Variants in VPS13B observed in about 807,000 individuals in gnomAD.
The protein encoded by VPS13B is vacuolar protein sorting 13 homolog B.
Under a neutral mutation model 426.4 loss-of-function variants are expected in VPS13B, and 285 were observed. The ratio of observed to expected loss-of-function variants is 0.67; its 90% CI spans 0.61 to 0.74. The LOEUF is 0.74. VPS13B is among the 30% of genes least tolerant of loss of function. The pLI is 0.00. For synonymous variants in VPS13B, 1,676 were observed against 1,676.4 expected, an observed-to-expected ratio of 1.00 and a Z score of 0.01; for missense variants, 4,537 against 4,782.6, an observed-to-expected ratio of 0.95 and a Z score of 1.51.
chr8:99,802,690 A>G (rs1813188091), intron 43 of VPS13B, among the ~76,000 whole-genome samples: 2 of 152,192 alleles, frequency 1.3e-5, no homozygotes, highest in Admixed American at 1.3e-4. Context: ...AATGGGGTGT[A>G]CTGCCCATAC....
chr8:99,378,132 G>A (rs1813591987), intron 19 of VPS13B, among the ~76,000 whole-genome samples: 2 of 67,704 alleles, frequency 3.0e-5, no homozygotes, highest in African/African-American at 6.7e-5. Flanking sequence ...GGCCATTTTA[G>A]AGCCCCCCCC....
At chr8:99,115,643 A>G in intron 6 of VPS13B, 57 bp from the exon 7 acceptor site, 2 of 1,557,652 alleles carry the variant, frequency 1.3e-6, no homozygotes, top group South Asian at 1.1e-5. Flanking sequence ...TTCTTTATGT[A>G]AAAAATACTC....
chr8:99,865,924 G>C (rs1368230344), intron 58 of VPS13B, among the ~76,000 whole-genome samples: 1 of 152,234 alleles, frequency 6.6e-6, no homozygotes, highest in African/African-American at 2.4e-5. Context: ...GCAAGTCACA[G>C]AAAGAGGTAA....
chr8:99,168,785 G>A (rs902978239), intron 15 of VPS13B, among the ~76,000 whole-genome samples: 1 of 151,958 alleles, frequency 6.6e-6, no homozygotes, highest in Non-Finnish European at 1.5e-5. Flanking sequence ...GCAGGTTATA[G>A]GTGCTGATGG....
intron 19 of VPS13B, among the ~76,000 whole-genome samples, chr8:99,277,634 TTCTC>T (rs1005894153): frequency 1.3e-5 from 2 of 152,190 alleles, no homozygotes; most frequent in Non-Finnish European, 2.9e-5. Context: ...GTATCTAAAT[TTCTC>T]TCTCTGTCTC....
chr8:99,853,870 T>A lies in VPS13B; in HGVS notation c.10481T>A (p.Ile3494Asn). Residue 3494 changes from isoleucine to asparagine, a missense_variant, in exon 56 of 62, where the codon ATT becomes AAT. Physicochemically the swap from Ile to Asn is moderately radical, Grantham distance 149. This residue lies in a region of VPS13B where 4,311 missense variants were observed against 4,474.3 expected (regional missense o/e 0.96). Transcript: ENST00000357162. ...GAAGGCAAGAGCATCCTCTGTGATA[T>A]TAATGAGTTCAGCTTTGAATTAAAA... Reference protein sequence around the residue: ...LNEGKSILCDINEFSFELKPA... With the variant: ...LNEGKSILCDNNEFSFELKPA... 4.3e-6 allele frequency: 7 copies of A among 1,614,266 alleles called. No homozygotes were observed. The highest frequency in any genetic ancestry group is 5.9e-6 in the Non-Finnish European group (7 of 1,180,052).
chr8:99,675,221 GGTTA>G (rs1830882528), intron 35 of VPS13B, among the ~76,000 whole-genome samples: 1 of 152,110 alleles, frequency 6.6e-6, no homozygotes, highest in African/African-American at 2.4e-5. Context: ...TTGGTTTGCA[GGTTA>G]GTTAATTAGT....
Position 99,422,162 on chromosome 8 carries a change from A to G in VPS13B, c.3083-9375A>G, listed in dbSNP as rs571529525. Among the ~76,000 whole-genome samples the G allele has an allele frequency of 3.9e-5, 6 of 152,310 alleles. No homozygotes were observed. The South Asian group carries it at 1.0e-3, about 26-fold the overall frequency. On this transcript the variant is annotated intron_variant, in intron 21 of 61. Transcript: ENST00000357162. ...TCTTTTCTTTTTTACAAACTTGACT[A>G]TCATCATTTAGAAATATAATGAATT...
intron 3 of VPS13B, among the ~76,000 whole-genome samples, chr8:99,039,806 A>G (rs1842898303): frequency 6.6e-6 from 1 of 152,028 alleles, no homozygotes; most frequent in Non-Finnish European, 1.5e-5. Flanking sequence ...GAAATCTTTG[A>G]TTCCAAACAC....
At position 99,206,062 on chromosome 8, in the gene VPS13B, A is replaced by G. The variant is rs1005212233; in HGVS notation, c.2515+13005A>G. On this transcript the variant is annotated intron_variant, in intron 17 of 61. Transcript: ENST00000357162. ...TATATTTTTGTTATTCGTGTTTCTGATGGCTCTTAAATCATAGAAATTCTA... is the reference window on the plus strand; with the variant it reads ...TATATTTTTGTTATTCGTGTTTCTGGTGGCTCTTAAATCATAGAAATTCTA... 4.6e-5 allele frequency among the ~76,000 whole-genome samples: 7 copies of G among 152,152 alleles called. No homozygotes were observed. The East Asian group carries it at 1.3e-3, about 29-fold the overall frequency.
chr8:99,790,305 C>T (rs1812476950), intron 43 of VPS13B, among the ~76,000 whole-genome samples: 1 of 152,158 alleles, frequency 6.6e-6, no homozygotes, highest in Non-Finnish European at 1.5e-5. Flanking sequence ...AATTATCTGA[C>T]CTCCAAGGGC....
At chr8:99,314,930 AT>A (rs748152788) in intron 19 of VPS13B, among the ~76,000 whole-genome samples, 53 of 152,188 alleles carry the variant, frequency 3.5e-4, no homozygotes, top group Non-Finnish European at 4.7e-4. Context: ...TTTTTATCTA[AT>A]ATAAGTATAG....
intron 31 of VPS13B, among the ~76,000 whole-genome samples, chr8:99,558,256 A>T (rs1359590384): frequency 6.6e-6 from 1 of 152,170 alleles, no homozygotes; most frequent in Non-Finnish European, 1.5e-5. Flanking sequence ...CAAAAGATAA[A>T]TAATGTATCA....
chr8:99,640,025 TAAGAAGAAGAAG>T (rs1200705406), intron 33 of VPS13B, among the ~76,000 whole-genome samples: 1 of 104,332 alleles, frequency 9.6e-6, no homozygotes, highest in Non-Finnish European at 2.0e-5. Context: ...ATAATAATAA[TAAGAAGAAGAAG>T]AAGAAGAAGA....
At position 99,355,412 on chromosome 8, in the gene VPS13B, GAAACCCCGTCTCTACTGAAAATACAC is replaced by G. The variant is rs1318049985; in HGVS notation, c.2825-28792_2825-28767del. Among the ~76,000 whole-genome samples, 3 of 152,136 alleles carry G rather than the reference GAAACCCCGTCTCTACTGAAAATACAC, an allele frequency of 2.0e-5. No homozygotes were observed. In the East Asian group the frequency reaches 5.8e-4, roughly 29 times the overall value. On this transcript the variant is annotated intron_variant, in intron 19 of 61. Transcript: ENST00000357162. ...TCGAGACCATCCTGGCCAACATGGTGAAACCCCGTCTCTACTGAAAATACACAAATTAGCTGGGCCTGGTGGCACAT... is the reference window on the plus strand; with the variant it reads ...TCGAGACCATCCTGGCCAACATGGTGAAATTAGCTGGGCCTGGTGGCACAT...
intron 3 of VPS13B, among the ~76,000 whole-genome samples, chr8:99,083,199 T>C (rs1443916766): frequency 3.9e-5 from 6 of 152,238 alleles, no homozygotes; most frequent in Admixed American, 3.9e-4. Context: ...GTTGGATTCC[T>C]AGGTATTTTA....
chr8:99,059,431 C>T (rs1197091278), intron 3 of VPS13B, among the ~76,000 whole-genome samples: 6 of 152,162 alleles, frequency 3.9e-5, no homozygotes, highest in East Asian at 1.9e-4. Context: ...CCACCTTGGC[C>T]TCCCAAACTG....
intron 33 of VPS13B, among the ~76,000 whole-genome samples, chr8:99,587,109 G>T (rs1157372097): frequency 2.6e-5 from 4 of 152,142 alleles, no homozygotes; most frequent in African/African-American, 9.7e-5. Context: ...TGCTCAGAAT[G>T]ATGGTTTCCA....
chr8:99,100,416 G>C (rs1041836379), intron 4 of VPS13B, among the ~76,000 whole-genome samples: 2 of 152,062 alleles, frequency 1.3e-5, no homozygotes, highest in Non-Finnish European at 2.9e-5. Context: ...TTAGCCTCCT[G>C]AGTAGCTGGG....
Sources: allele counts gnomAD v4.1 joint callset (sites outside exome capture counted in the v4.1 genomes callset), GRCh38; gene constraint gnomAD v4.1.1; regional missense constraint gnomAD v4.1.1; transcripts MANE v1.5; gene names NCBI Gene and HGNC (gene_info 2026-07-23, HGNC 2026-07-21).